The following KANSL1 variants were observed in gnomAD, a reference collection of about 807,000 sequenced individuals.
KANSL1 encodes the protein KAT8 regulatory NSL complex subunit 1, also known as MLL1/MLL complex subunit KANSL1.
KANSL1 carries 22 observed loss-of-function variants against 103.6 expected under a neutral mutation model. The observed-to-expected ratio is 0.21, with a 90% CI of 0.15 to 0.30. KANSL1 has a LOEUF of 0.30. KANSL1 is among the 10% of genes least tolerant of loss of function. The pLI is 1.00. For synonymous variants in KANSL1, 600 were observed against 527.6 expected (o/e 1.14, Z -1.88); for missense variants, 1,337 against 1,399.8 (o/e 0.96, Z 0.72).
intron 2 of KANSL1, among the ~76,000 whole-genome samples, chr17:46,166,981 A>G (rs1445760039): frequency 1.3e-5 from 2 of 151,982 alleles, no homozygotes; most frequent in Non-Finnish European, 2.9e-5. Flanking sequence ...CTGAACTTCA[A>G]GATAAGCCTA....
At chr17:46,059,073 A>AG (rs2078052301) in intron 6 of KANSL1, among the ~76,000 whole-genome samples, 1 of 151,786 alleles carries the variant, frequency 6.6e-6, no homozygotes, top group African/African-American at 2.4e-5. Flanking sequence ...AAAGAAAGAA[A>AG]AAAAAAAGAG....
At chr17:46,116,029 T>C (rs936428988) in intron 2 of KANSL1, among the ~76,000 whole-genome samples, 10 of 152,214 alleles carry the variant, frequency 6.6e-5, no homozygotes, top group African/African-American at 2.2e-4. Context: ...TTACTAACTA[T>C]AGAATCATAG....
At chr17:46,055,315 A>G (rs963934549) in intron 6 of KANSL1, among the ~76,000 whole-genome samples, 49 of 151,902 alleles carry the variant, frequency 3.2e-4, no homozygotes, top group African/African-American at 1.2e-3. Flanking sequence ...AATACAAAAA[A>G]TTAGCCGGGC....
At chr17:46,056,730 AT>A (rs1470195724) in intron 6 of KANSL1, among the ~76,000 whole-genome samples, 5 of 152,250 alleles carry the variant, frequency 3.3e-5, no homozygotes. Flanking sequence ...AAAAGGACTA[AT>A]AATACCAATT....
At chr17:46,182,099 T>TA (rs1205060903) in intron 1 of KANSL1, among the ~76,000 whole-genome samples, 11 of 152,358 alleles carry the variant, frequency 7.2e-5, no homozygotes, top group Admixed American at 7.2e-4. Flanking sequence ...CACCCTTCTT[T>TA]AGCGTGCTAA....
intron 4 of KANSL1, among the ~76,000 whole-genome samples, chr17:46,081,035 TC>T: frequency 6.6e-6 from 1 of 151,884 alleles, no homozygotes; most frequent in South Asian, 2.1e-4. Context: ...AGGACCAAGC[TC>T]CTAAAGAGTG....
intron 2 of KANSL1, among the ~76,000 whole-genome samples, chr17:46,116,532 A>G (rs946302090): frequency 6.7e-6 from 1 of 148,866 alleles, no homozygotes; most frequent in African/African-American, 2.4e-5. Context: ...TCCGTCTCAA[A>G]AAACAAAAAC....
chr17:46,128,325 G>A (rs763098000), intron 2 of KANSL1, among the ~76,000 whole-genome samples: 4 of 152,082 alleles, frequency 2.6e-5, no homozygotes, highest in African/African-American at 2.4e-5. Context: ...TTATTCACTC[G>A]ATTCAAGCAT....
intron 2 of KANSL1, among the ~76,000 whole-genome samples, chr17:46,151,161 C>T (rs933427853): frequency 2.6e-5 from 4 of 152,328 alleles, no homozygotes; most frequent in Middle Eastern, 6.8e-3. Context: ...TGAGTTATAA[C>T]TGAGTTTCTA....
intron 2 of KANSL1, among the ~76,000 whole-genome samples, chr17:46,134,528 G>A (rs1007290297): frequency 2.6e-5 from 4 of 151,956 alleles, no homozygotes; most frequent in African/African-American, 9.7e-5. Context: ...ACGAACTATT[G>A]TTATATGAAT....
intron 1 of KANSL1, among the ~76,000 whole-genome samples, chr17:46,216,598 CA>C (rs72237062): frequency 0.067 from 5,640 of 83,682 alleles, 532 homozygotes; most frequent in East Asian, 0.48. Flanking sequence ...GACTCCGTCT[CA>C]AAAAAAAAAA....
intron 8 of KANSL1, 23 bp from the exon 9 acceptor site, chr17:46,039,238 A>G (rs748071160): frequency 9.8e-6 from 15 of 1,538,292 alleles, no homozygotes; most frequent in Non-Finnish European, 7.8e-6. Context: ...ACAGAAAAAG[A>G]GCTGTGAAAT....
intron 1 of KANSL1, among the ~76,000 whole-genome samples, chr17:46,218,869 C>T (rs904746248): frequency 6.6e-6 from 1 of 152,020 alleles, no homozygotes; most frequent in African/African-American, 2.4e-5. Context: ...AGATATAATA[C>T]AAAAGTCCTC....
chr17:46,108,468 C>T (rs1022761119), intron 2 of KANSL1, among the ~76,000 whole-genome samples: 39 of 152,192 alleles, frequency 2.6e-4, no homozygotes, highest in African/African-American at 8.2e-4. Flanking sequence ...CTTTCTTTCC[C>T]GCTTCCTGGC....
At chr17:46,046,256 G>T (rs1327635100) in intron 7 of KANSL1, 1 of 152,110 alleles carries the variant, frequency 6.6e-6, no homozygotes, top group African/African-American at 2.4e-5. Context: ...TTTCTGGGCC[G>T]GGCATGGTGG....
intron 4 of KANSL1, among the ~76,000 whole-genome samples, chr17:46,077,834 A>T (rs919265969): frequency 3.9e-5 from 6 of 152,218 alleles, no homozygotes; most frequent in African/African-American, 1.4e-4. Context: ...CTGGGATTAC[A>T]GGCATGAGCC....
At chr17:46,067,410 A>G (rs2078418726) in intron 5 of KANSL1, 139 bp downstream of exon 5, 6 of 664,070 alleles carry the variant, frequency 9.0e-6, no homozygotes, top group African/African-American at 1.8e-5. Context: ...TTCATTATAC[A>G]GTGAAGATTA....
intron 2 of KANSL1, 128 bp downstream of exon 2, chr17:46,170,726 CA>C: frequency 9.3e-7 from 1 of 1,073,150 alleles, no homozygotes; most frequent in Non-Finnish European, 1.3e-6. Context: ...TACCCAACAT[CA>C]GGGAAAAAAC....
chr17:46,205,607 G>A (rs1265377636), intron 1 of KANSL1, among the ~76,000 whole-genome samples: 1 of 147,092 alleles, frequency 6.8e-6, no homozygotes, highest in Non-Finnish European at 1.5e-5. Flanking sequence ...CTTGAACCCA[G>A]GAGGCGGAGG....
Sources: allele counts gnomAD v4.1 joint callset (sites outside exome capture counted in the v4.1 genomes callset), GRCh38; gene constraint gnomAD v4.1.1; transcripts MANE v1.5; gene names NCBI Gene and HGNC (gene_info 2026-07-23, HGNC 2026-07-21).